The following TRA2A variants were observed in gnomAD, a reference collection of about 807,000 sequenced individuals.
TRA2A encodes the protein transformer-2 protein homolog alpha.
In TRA2A, 31 loss-of-function variants were observed where a neutral mutation model predicts 45.7. The ratio of observed to expected loss-of-function variants is 0.68; its 90% CI spans 0.51 to 0.92. The LOEUF is 0.92. Ranked by LOEUF, TRA2A falls within the 40% of genes least tolerant of loss-of-function variation. TRA2A has a pLI of 0.00. For synonymous variants in TRA2A, 132 were observed against 126.2 expected, an observed-to-expected ratio of 1.05 and a Z score of -0.31; for missense variants, 304 against 367.5, an observed-to-expected ratio of 0.83 and a Z score of 1.41.
In TRA2A at chr7:23,505,499, T is replaced by TA. The variant is rs1789272395; in HGVS notation, c.*59_*60insT. 1 of 269,612 alleles carries TA rather than the reference T, an allele frequency of 3.7e-6. No individual in the cohort carries two copies. 16.7% of individuals were successfully genotyped at this position (269,612 alleles called of 1,614,324 possible). ...TCCACAGCTTGGGGAAATCTCAGAA[T>TA]TAAAAAAAAAAAAAAAAAAAAGAGG... On this transcript the variant is annotated 3_prime_UTR_variant, in exon 8 of 8. Coordinates refer to ENST00000297071, the MANE Select transcript of TRA2A (RefSeq NM_013293.5).
At chr7:23,512,633 T>C (rs1789678975) in intron 4 of TRA2A, among the ~76,000 whole-genome samples, 2 of 152,208 alleles carry the variant, frequency 1.3e-5, no homozygotes, top group Admixed American at 6.5e-5. Context: ...TAATTGTTTG[T>C]ATTTTTAGTA....
chr7:23,505,584 G>GAAAAAAAAAAA lies in TRA2A; in HGVS notation c.839-16_839-15insTTTTTTTTTTT. ...TCAATAGCGTCCTAAAAGAGAAAAA[G>GAAAAAAAAAAA]CAAAAAAAAAAAAAAAAAAAAAAAG... On this transcript the variant is annotated splice_polypyrimidine_tract_variant and intron_variant, in intron 7 of 7. Coordinates refer to ENST00000297071, the MANE Select transcript of TRA2A (RefSeq NM_013293.5). The GAAAAAAAAAAA allele has an allele frequency of 1.8e-5, 3 of 168,072 alleles. No individual in the cohort carries two copies. Among genetic ancestry groups the GAAAAAAAAAAA allele is most frequent in the South Asian group, 1.4e-4 (1 of 7,298 alleles). The allele number at this position is 168,072 out of a possible 1,614,324, so 10.4% of individuals were successfully genotyped here.
chr7:23,518,467 A>C (rs1789986596), intron 2 of TRA2A, among the ~76,000 whole-genome samples: 1 of 151,122 alleles, frequency 6.6e-6, no homozygotes, highest in South Asian at 2.1e-4. Flanking sequence ...TCAGCCTCCC[A>C]AGTAGCTGGG....
rs2127991350 is a variant in TRA2A at position 23,508,755 on chromosome 7, A to C, written c.526-1220T>G. 1.3e-5 allele frequency among the ~76,000 whole-genome samples: 2 copies of C among 152,240 alleles called. 1 individual carries two copies. Among genetic ancestry groups the C allele is most frequent in the South Asian group, 4.1e-4 (2 of 4,820 alleles). Reference sequence around the variant, plus strand: ...GTGATCCTCCTGCCTTGGCCTCCCAAAGTGCTGGGATTACAGGCGTAAGCC... The same window carrying C: ...GTGATCCTCCTGCCTTGGCCTCCCACAGTGCTGGGATTACAGGCGTAAGCC... On this transcript the variant is annotated intron_variant, in intron 4 of 7. Transcript: ENST00000297071.
intron 1 of TRA2A, among the ~76,000 whole-genome samples, chr7:23,524,736 C>G (rs1198953136): frequency 6.6e-6 from 1 of 150,582 alleles, no homozygotes; most frequent in Non-Finnish European, 1.5e-5. Flanking sequence ...GTAGCTCAGG[C>G]TGGAGTACAG....
chr7:23,512,762 G>C, intron 4 of TRA2A, 132 bp downstream of exon 4: 1 of 786,256 alleles, frequency 1.3e-6, no homozygotes, highest in Non-Finnish European at 1.9e-6. Context: ...CTGGACGCAA[G>C]ATCCTATCTT....
chr7:23,522,183 T>G, intron 1 of TRA2A: 1 of 1,144,964 alleles, frequency 8.7e-7, no homozygotes, highest in Non-Finnish European at 1.1e-6. Context: ...CACTCTTGCT[T>G]TCTACTTCTC....
rs141404681 is a variant in TRA2A at position 23,514,319 on chromosome 7, C to T, written c.337-1237G>A. Among the ~76,000 whole-genome samples, 601 of 152,134 alleles carry T rather than the reference C, an allele frequency of 4.0e-3. 8 individuals carry two copies. Among genetic ancestry groups the T allele is most frequent in the Middle Eastern group, 0.017 (5 of 294 alleles). ...CCAACCTCAGGTGATCCACCCCACC[C>T]GGCCTAGCAGATATTTAAGAATGTT... On this transcript the variant is annotated intron_variant, in intron 3 of 7. Transcript: ENST00000297071.
At chr7:23,517,503 A>AAAAAAAAAAAAAAAAGAG (rs764849438) in intron 2 of TRA2A, among the ~76,000 whole-genome samples, 11 of 116,256 alleles carry the variant, frequency 9.5e-5, no homozygotes, top group East Asian at 3.3e-4. Context: ...AAAAAAAAAA[A>AAAAAAAAAAAAAAAAGAG]AGAGAGAAAG....
intron 2 of TRA2A, 39 bp downstream of exon 2, chr7:23,521,668 C>G: frequency 6.2e-7 from 1 of 1,603,054 alleles, no homozygotes; most frequent in Non-Finnish European, 8.5e-7. Flanking sequence ...CTCAAAAACC[C>G]CAGAAGAATA....
chr7:23,513,130 A>G lies in TRA2A; in HGVS notation c.337-48T>C, dbSNP rs1351539293. On this transcript the variant is annotated intron_variant, in intron 3 of 7. Coordinates refer to ENST00000297071, the MANE Select transcript of TRA2A (RefSeq NM_013293.5). Reference sequence around the variant, plus strand: ...AAAACTCCAAATTAAAATCAAAATCAAAGAAACACAGAAATACTTTGTTTA... The same window carrying G: ...AAAACTCCAAATTAAAATCAAAATCGAAGAAACACAGAAATACTTTGTTTA... 2.9e-6 allele frequency: 4 copies of G among 1,358,106 alleles called. No homozygotes were observed. In the Admixed American group the frequency reaches 8.3e-5, roughly 28 times the overall value. The allele number at this position is 1,358,106 out of a possible 1,614,324, so 84.1% of individuals were successfully genotyped here. A position where few individuals can be genotyped will look rare whatever the true frequency, so the allele number is the denominator to read the frequency against.
At chr7:23,526,393 G>C (rs1790342246) in intron 1 of TRA2A, among the ~76,000 whole-genome samples, 5 of 152,160 alleles carry the variant, frequency 3.3e-5, no homozygotes, top group Admixed American at 3.3e-4. Context: ...TACTAAAAAT[G>C]TATTTTCCTG....
At chr7:23,523,545 C>T (rs566926883) in intron 1 of TRA2A, among the ~76,000 whole-genome samples, 37 of 152,312 alleles carry the variant, frequency 2.4e-4, no homozygotes, top group African/African-American at 8.9e-4. Flanking sequence ...TTTTCCTTTG[C>T]TTCAAGTTTA....
chr7:23,518,585 C>T (rs1048569684), intron 2 of TRA2A, among the ~76,000 whole-genome samples: 1 of 152,022 alleles, frequency 6.6e-6, no homozygotes, highest in Non-Finnish European at 1.5e-5. Flanking sequence ...TTGTGATCCA[C>T]CCACCTCAGC....
intron 4 of TRA2A, among the ~76,000 whole-genome samples, chr7:23,510,721 T>G (rs1382380608): frequency 6.6e-6 from 1 of 152,150 alleles, no homozygotes; most frequent in Admixed American, 6.6e-5. Context: ...ATAAAAAAAT[T>G]ACACTGTTCT....
At chr7:23,519,191 A>C (rs1790023390) in intron 2 of TRA2A, among the ~76,000 whole-genome samples, 1 of 152,148 alleles carries the variant, frequency 6.6e-6, no homozygotes. Context: ...CAGGAGATCG[A>C]GACCATCGTG....
chr7:23,520,502 A>G (rs1790087012), intron 2 of TRA2A, among the ~76,000 whole-genome samples: 5 of 152,158 alleles, frequency 3.3e-5, no homozygotes, highest in African/African-American at 1.2e-4. Context: ...GTAATCAAGC[A>G]CCGGGCTAGA....
chr7:23,511,297 G>T (rs1290858379), intron 4 of TRA2A, among the ~76,000 whole-genome samples: 1 of 145,524 alleles, frequency 6.9e-6, no homozygotes, highest in African/African-American at 2.5e-5. Context: ...CATGAACCCG[G>T]GAGGTAGAGC....
intron 3 of TRA2A, among the ~76,000 whole-genome samples, chr7:23,514,420 C>T (rs1409638976): frequency 4.6e-5 from 7 of 152,096 alleles, no homozygotes; most frequent in Non-Finnish European, 8.8e-5. Flanking sequence ...AGGAAAATCT[C>T]TTTGAACAAC....
Sources: gnomAD v4.1 joint callset for allele counts (sites outside exome capture counted in the v4.1 genomes callset) on GRCh38, gnomAD v4.1.1 for gene constraint, MANE v1.5 for transcripts, NCBI Gene and HGNC (gene_info 2026-07-23, HGNC 2026-07-21) for gene names.